Variants in C1orf21 observed in about 807,000 individuals in gnomAD.
C1orf21 encodes the protein uncharacterized protein C1orf21.
A neutral mutation model predicts 18.7 loss-of-function variants in C1orf21; 3 were observed. The observed-to-expected ratio is 0.16, with a 90% CI of 0.07 to 0.42. C1orf21 has a LOEUF of 0.42. Among genes scored for constraint, C1orf21 ranks in the 10% least tolerant of loss-of-function variants. The pLI is 0.99. For synonymous variants in C1orf21, 41 were observed against 46.4 expected (o/e 0.88, Z 0.47); for missense variants, 104 against 143.6 (o/e 0.72, Z 1.41).
At chr1:184,500,380 T>C (rs1219476573) in intron 2 of C1orf21, among the ~76,000 whole-genome samples, 1 of 152,198 alleles carries the variant, frequency 6.6e-6, no homozygotes, top group Non-Finnish European at 1.5e-5. Context: ...CTGCAGGTCC[T>C]GGACCTCTTA....
chr1:184,456,748 TTA>T (rs1253826150), intron 1 of C1orf21, among the ~76,000 whole-genome samples: 2 of 152,200 alleles, frequency 1.3e-5, no homozygotes, highest in African/African-American at 4.8e-5. Flanking sequence ...CTTTGTAACT[TTA>T]TCTCCTATGC....
rs145093525 is a variant in C1orf21 at position 184,498,291 on chromosome 1, A to T, written c.95-9297A>T. 5.1e-4 allele frequency among the ~76,000 whole-genome samples: 78 copies of T among 152,322 alleles called. No individual in the cohort carries two copies. The East Asian group carries it at 0.014, about 28-fold the overall frequency. Reference sequence around the variant, plus strand: ...TTTCATTCACCGAAATTCACTTAAGACCAAATCCAATTAAATGAATTAAGT... The same window carrying T: ...TTTCATTCACCGAAATTCACTTAAGTCCAAATCCAATTAAATGAATTAAGT... On this transcript the variant is annotated intron_variant, in intron 2 of 5. Coordinates refer to ENST00000235307, the MANE Select transcript of C1orf21 (RefSeq NM_030806.4).
At chr1:184,497,261 G>A (rs1042145487) in intron 2 of C1orf21, among the ~76,000 whole-genome samples, 3 of 152,216 alleles carry the variant, frequency 2.0e-5, no homozygotes, top group African/African-American at 7.2e-5. Flanking sequence ...CTATCATGGA[G>A]CATGCGTTTT....
chr1:184,542,978 A>G (rs1036679517), intron 3 of C1orf21, among the ~76,000 whole-genome samples: 8 of 152,182 alleles, frequency 5.3e-5, no homozygotes, highest in Non-Finnish European at 1.0e-4. Context: ...GGGGGATGAT[A>G]CTGCTTAGTG....
intron 1 of C1orf21, among the ~76,000 whole-genome samples, chr1:184,389,067 T>C (rs775998446): frequency 1.6e-4 from 24 of 152,144 alleles, no homozygotes; most frequent in Non-Finnish European, 2.6e-4. Context: ...CAACGGAGTG[T>C]ATTTATAGGC....
Position 184,436,346 on chromosome 1 carries a change from G to T in C1orf21, c.-124-41040G>T, listed in dbSNP as rs147709490. Among the ~76,000 whole-genome samples the T allele has an allele frequency of 1.7e-3, 252 of 152,236 alleles. 1 individual carries two copies. The highest frequency in any genetic ancestry group is 2.5e-3 in the Non-Finnish European group (171 of 68,016). The stretch of plus-strand genomic sequence containing the variant: ...ATGGTACTAGTCAAGAAGAACAGGG[G>T]AAGTGTTTGAGATTTGGAGATTTGG... On this transcript the variant is annotated intron_variant, in intron 1 of 5. Coordinates refer to ENST00000235307, the MANE Select transcript of C1orf21 (RefSeq NM_030806.4).
In C1orf21 at chr1:184,506,568, T is replaced by A. The variant is rs531848121; in HGVS notation, c.95-1020T>A. 3.7e-4 allele frequency among the ~76,000 whole-genome samples: 56 copies of A among 152,306 alleles called. 3 individuals carry two copies. In the South Asian group the frequency reaches 0.012, roughly 32 times the overall value. On this transcript the variant is annotated intron_variant, in intron 2 of 5. Coordinates refer to ENST00000235307, the MANE Select transcript of C1orf21 (RefSeq NM_030806.4). The stretch of plus-strand genomic sequence containing the variant: ...GGTGGTTCCTATAGTTAGACATTAC[T>A]TCATGCTATATGCCAGACAATCGTT...
At chr1:184,464,027 A>G (rs1189110345) in intron 1 of C1orf21, among the ~76,000 whole-genome samples, 1 of 152,250 alleles carries the variant, frequency 6.6e-6, no homozygotes, top group Admixed American at 6.5e-5. Flanking sequence ...AGGAAAGTAC[A>G]TAGTGGGATT....
intron 1 of C1orf21, among the ~76,000 whole-genome samples, chr1:184,444,291 T>C (rs1177086530): frequency 6.6e-6 from 1 of 152,186 alleles, no homozygotes; most frequent in Non-Finnish European, 1.5e-5. Flanking sequence ...TCATTTTGAA[T>C]TGTACTCCCA....
rs142474849 is a variant in C1orf21 at position 184,453,562 on chromosome 1, T to A, written c.-124-23824T>A. 8.5e-5 allele frequency among the ~76,000 whole-genome samples: 13 copies of A among 152,360 alleles called. No homozygotes were observed. The East Asian group carries it at 2.5e-3, about 29-fold the overall frequency. ...CTTTTTATTAGTTTGCTGAATATACTGATGTTAATATCCTCTCTTCTGTTC... is the reference window on the plus strand; with the variant it reads ...CTTTTTATTAGTTTGCTGAATATACAGATGTTAATATCCTCTCTTCTGTTC... On this transcript the variant is annotated intron_variant, in intron 1 of 5. Coordinates refer to ENST00000235307, the MANE Select transcript of C1orf21 (RefSeq NM_030806.4).
chr1:184,496,289 T>C (rs911727524), intron 2 of C1orf21, among the ~76,000 whole-genome samples: 1 of 152,208 alleles, frequency 6.6e-6, no homozygotes, highest in Admixed American at 6.5e-5. Context: ...CAGTGGGTAA[T>C]GTGGCTTGCT....
rs368592173 is a variant in C1orf21, at chr1:184,601,753, T to C, written c.327+3292T>C. On this transcript the variant is annotated intron_variant, in intron 5 of 5. Coordinates refer to ENST00000235307, the MANE Select transcript of C1orf21 (RefSeq NM_030806.4). ...TCATCTCTACTAAAGGTACAAAAAT[T>C]AGCCGGGCGTGGTGGCACACGCCTG... Among the ~76,000 whole-genome samples the C allele has an allele frequency of 6.6e-5, 10 of 151,976 alleles. No individual in the cohort carries two copies. In the East Asian group the frequency reaches 1.9e-3, roughly 30 times the overall value.
At chr1:184,533,143 C>G (rs925924247) in intron 3 of C1orf21, among the ~76,000 whole-genome samples, 3 of 152,110 alleles carry the variant, frequency 2.0e-5, no homozygotes, top group Non-Finnish European at 2.9e-5. Flanking sequence ...GGGGTCCTCT[C>G]TCTCCCTTCC....
At position 184,411,111 on chromosome 1, in the gene C1orf21, C is replaced by A. The variant is rs552816535; in HGVS notation, c.-125+23743C>A. On this transcript the variant is annotated intron_variant, in intron 1 of 5. Coordinates refer to ENST00000235307, the MANE Select transcript of C1orf21 (RefSeq NM_030806.4). The stretch of plus-strand genomic sequence containing the variant: ...TTTAAACAGGAACATATGTGGTTTA[C>A]GGGAAAGTTTGTGATCAGATGTAAG... Among the ~76,000 whole-genome samples, 4 of 151,980 alleles carry A rather than the reference C, an allele frequency of 2.6e-5. No individual in the cohort carries two copies. In the East Asian group the frequency reaches 5.8e-4, roughly 22 times the overall value.
At chr1:184,586,212 A>G (rs1659349835) in intron 3 of C1orf21, among the ~76,000 whole-genome samples, 2 of 151,888 alleles carry the variant, frequency 1.3e-5, no homozygotes, top group Admixed American at 1.3e-4. Flanking sequence ...AGTGATGTTA[A>G]ACTTTTTTTC....
chr1:184,398,066 G>A (rs150069452), intron 1 of C1orf21, among the ~76,000 whole-genome samples: 3 of 152,222 alleles, frequency 2.0e-5, no homozygotes, highest in Non-Finnish European at 4.4e-5. Flanking sequence ...ATAATGTAGC[G>A]GGAAGAATGT....
intron 3 of C1orf21, among the ~76,000 whole-genome samples, chr1:184,534,432 G>A (rs1231281158): frequency 1.3e-5 from 2 of 152,120 alleles, no homozygotes; most frequent in African/African-American, 4.8e-5. Flanking sequence ...CTCATTCCAG[G>A]TGTAAAGACA....
intron 3 of C1orf21, among the ~76,000 whole-genome samples, chr1:184,547,692 A>G (rs937418099): frequency 1.3e-5 from 2 of 152,186 alleles, no homozygotes; most frequent in African/African-American, 4.8e-5. Context: ...TTAGATATTT[A>G]AATTTTTAGC....
chr1:184,403,216 T>C (rs1656191665), intron 1 of C1orf21, among the ~76,000 whole-genome samples: 1 of 152,186 alleles, frequency 6.6e-6, no homozygotes, highest in African/African-American at 2.4e-5. Flanking sequence ...ATCAACAGTG[T>C]AGTGAATAAA....
Sources: allele counts gnomAD v4.1 joint callset (sites outside exome capture counted in the v4.1 genomes callset), GRCh38; gene constraint gnomAD v4.1.1; transcripts MANE v1.5; gene names NCBI Gene and HGNC (gene_info 2026-07-23, HGNC 2026-07-21).